Variants in TASP1 observed in about 807,000 individuals in gnomAD.
TASP1 encodes threonine aspartase 1.
TASP1 carries 16 observed loss-of-function variants against 56.6 expected under a neutral mutation model. The observed-to-expected ratio is 0.28, with a 90% CI of 0.19 to 0.43. The LOEUF is 0.43. Among genes scored for constraint, TASP1 ranks in the 20% least tolerant of loss-of-function variants. The pLI is 1.00. For missense variants in TASP1, 393 were observed against 511.6 expected (o/e 0.77, Z 2.24); for synonymous variants, 179 against 184.2 (o/e 0.97, Z 0.23).
chr20:13,105,821 ATT>A, the TASP1 span, among the ~76,000 whole-genome samples: 7 of 152,142 alleles, frequency 4.6e-5, no homozygotes, highest in Admixed American at 3.9e-4. Context: ...CATTCAGAGG[ATT>A]TGGTTATAGA....
chr20:13,279,961 C>T, the TASP1 span: 2 of 1,495,534 alleles, frequency 1.3e-6, no homozygotes, highest in Non-Finnish European at 1.8e-6. Flanking sequence ...ATGCCTTGGA[C>T]ATGGAGCCAA....
At chr20:13,441,892 T>C (rs1286772317) in intron 11 of TASP1, among the ~76,000 whole-genome samples, 1 of 152,088 alleles carries the variant, frequency 6.6e-6, no homozygotes, top group African/African-American at 2.4e-5. Context: ...GACTTCAAAG[T>C]TTACTGTAAA....
chr20:13,590,408 C>T (rs1047348774), intron 4 of TASP1, among the ~76,000 whole-genome samples: 1 of 152,070 alleles, frequency 6.6e-6, no homozygotes, highest in African/African-American at 2.4e-5. Context: ...GGCCCACAAC[C>T]AGAATAAATA....
At chr20:13,385,658 G>A (rs144686493), downstream of TASP1, among the ~76,000 whole-genome samples, 1 of 152,308 alleles carries the variant, frequency 6.6e-6, no homozygotes, top group Non-Finnish European at 1.5e-5. Flanking sequence ...TCATCTGGGA[G>A]ATGATTTCAG....
chr20:13,334,964 C>T, the TASP1 span, among the ~76,000 whole-genome samples: 1 of 152,284 alleles, frequency 6.6e-6, no homozygotes, highest in African/African-American at 2.4e-5. Context: ...AAACCAAATG[C>T]TTTCAGACAA....
intron 10 of TASP1, among the ~76,000 whole-genome samples, chr20:13,494,259 C>T (rs1425917989): frequency 6.6e-6 from 1 of 152,136 alleles, no homozygotes; most frequent in Non-Finnish European, 1.5e-5. Context: ...GCTTCAGCTT[C>T]CTCATTTGAA....
At chr20:13,455,794 C>G (rs1356714818) in intron 11 of TASP1, among the ~76,000 whole-genome samples, 2 of 152,176 alleles carry the variant, frequency 1.3e-5, no homozygotes, top group Admixed American at 6.5e-5. Context: ...AACACTGTCT[C>G]ATCCCTTCTT....
At chr20:13,146,035 T>C in the TASP1 span, among the ~76,000 whole-genome samples, 4 of 152,194 alleles carry the variant, frequency 2.6e-5, no homozygotes, top group Non-Finnish European at 5.9e-5. Flanking sequence ...TAAATCCTTA[T>C]CAATGACAGA....
the TASP1 span, among the ~76,000 whole-genome samples, chr20:13,286,206 G>A: frequency 4.6e-5 from 7 of 152,092 alleles, no homozygotes; most frequent in Admixed American, 6.5e-5. Context: ...GCTCATGTGC[G>A]TATGACCCGC....
the TASP1 span, among the ~76,000 whole-genome samples, chr20:13,148,036 T>G: frequency 6.6e-6 from 1 of 152,204 alleles, no homozygotes; most frequent in African/African-American, 2.4e-5. Context: ...GCATTCTCTT[T>G]TTTTGCATGC....
At chr20:13,566,395 T>C (rs965262561) in intron 7 of TASP1, among the ~76,000 whole-genome samples, 1 of 152,126 alleles carries the variant, frequency 6.6e-6, no homozygotes, top group Non-Finnish European at 1.5e-5. Context: ...ACAGAAGCTT[T>C]ATTCATAATA....
rs114281095 is a variant in TASP1 at position 13,511,597 on chromosome 20, G to A, written c.874+16836C>T. ...CTACCATGAATACCTGAAGTTCCGG[G>A]TTTTTTTATTATTATTATCATACTT... On this transcript the variant is annotated intron_variant, in intron 10 of 13. Coordinates refer to ENST00000337743, the MANE Select transcript of TASP1 (RefSeq NM_017714.3). Among the ~76,000 whole-genome samples the A allele has an allele frequency of 4.9e-3, 747 of 151,648 alleles. 4 individuals are homozygous for A. The highest frequency in any genetic ancestry group is 0.016 in the African/African-American group (673 of 41,398).
chr20:13,246,099 T>C, the TASP1 span, among the ~76,000 whole-genome samples: 37,425 of 151,616 alleles, frequency 0.25, 4,647 homozygotes, highest in African/African-American at 0.3. Context: ...AAACCCCGTC[T>C]CTACTGAAAA....
chr20:13,555,720 C>T (rs1282670421), intron 8 of TASP1, among the ~76,000 whole-genome samples: 5 of 152,142 alleles, frequency 3.3e-5, no homozygotes, highest in Non-Finnish European at 5.9e-5. Flanking sequence ...CCATGAATCA[C>T]GAATATACAC....
chr20:13,602,053 A>AT (rs921186734), intron 4 of TASP1, among the ~76,000 whole-genome samples: 1 of 150,614 alleles, frequency 6.6e-6, no homozygotes, highest in African/African-American at 2.4e-5. Context: ...ATTTTTTTGT[A>AT]TTTTTTTAGT....
At chr20:13,620,271 C>CACACACACACAA (rs1393186762) in intron 4 of TASP1, among the ~76,000 whole-genome samples, 1 of 140,646 alleles carries the variant, frequency 7.1e-6, no homozygotes, top group African/African-American at 2.5e-5. Context: ...TATTTACACA[C>CACACACACACAA]ACACACACAC....
At chr20:13,280,420 C>G in the TASP1 span, among the ~76,000 whole-genome samples, 2 of 144,386 alleles carry the variant, frequency 1.4e-5, no homozygotes, top group Non-Finnish European at 3.1e-5. Flanking sequence ...TTTCAAAACT[C>G]CAAGTTGAGA....
In TASP1 at chr20:13,577,696, C is replaced by T. The variant is rs552657832; in HGVS notation, c.488+3201G>A. Among the ~76,000 whole-genome samples the T allele has an allele frequency of 7.2e-5, 11 of 152,282 alleles. No homozygotes were observed. The South Asian group carries it at 2.3e-3, about 32-fold the overall frequency. ...CCAGAAAAGGAACGCTCACCAGAAA[C>T]CAAACAGGCGGGAACCTAGATCTTG... On this transcript the variant is annotated intron_variant, in intron 6 of 13. Coordinates refer to ENST00000337743, the MANE Select transcript of TASP1 (RefSeq NM_017714.3).
the TASP1 span, among the ~76,000 whole-genome samples, chr20:13,189,206 A>C: frequency 6.6e-6 from 1 of 152,222 alleles, no homozygotes; most frequent in Admixed American, 6.5e-5. Flanking sequence ...AGAATCCTAA[A>C]AGAAAATCTA....
Sources: gnomAD v4.1 joint callset for allele counts (sites outside exome capture counted in the v4.1 genomes callset) on GRCh38, gnomAD v4.1.1 for gene constraint, MANE v1.5 for transcripts, NCBI Gene and HGNC (gene_info 2026-07-23, HGNC 2026-07-21) for gene names.